Variants in MED13 observed in about 807,000 individuals in gnomAD.
The protein encoded by MED13 is mediator complex subunit 13.
Under a neutral mutation model 225.2 loss-of-function variants are expected in MED13, and 23 were observed. The ratio of observed to expected loss-of-function variants is 0.10; its 90% CI spans 0.07 to 0.14. MED13 has a LOEUF of 0.14. Among genes scored for constraint, MED13 ranks in the 10% least tolerant of loss-of-function variants. MED13 has a pLI of 1.00. For missense variants in MED13, 2,197 were observed against 2,594.5 expected, an observed-to-expected ratio of 0.85 and a Z score of 3.33; for synonymous variants, 942 against 889.2, an observed-to-expected ratio of 1.06 and a Z score of -1.06.
At chr17:61,950,680 T>C in intron 28 of MED13, 145 bp downstream of exon 28, 1 of 748,904 alleles carries the variant, frequency 1.3e-6, no homozygotes, top group Non-Finnish European at 2.0e-6. Flanking sequence ...CACCGTGCCT[T>C]CGTGATCTTG....
At chr17:61,999,173 T>C (rs1236965490) in intron 9 of MED13, among the ~76,000 whole-genome samples, 1 of 152,192 alleles carries the variant, frequency 6.6e-6, no homozygotes, top group Non-Finnish European at 1.5e-5. Flanking sequence ...TACAACTATA[T>C]ACATACAAAT....
At chr17:61,992,440 G>A (rs888488721) in intron 11 of MED13, 100 bp downstream of exon 11, 8 of 676,674 alleles carry the variant, frequency 1.2e-5, no homozygotes, top group East Asian at 2.8e-5. Context: ...GAAACATAAT[G>A]AATTATACAA....
At chr17:62,031,354 G>C (rs1255707188) in intron 6 of MED13, 90 bp downstream of exon 6, 11 of 1,153,944 alleles carry the variant, frequency 9.5e-6, no homozygotes, top group Non-Finnish European at 1.3e-5. Flanking sequence ...CAAGAAGTTT[G>C]AAACTATTTC....
chr17:61,974,988 T>TA (rs1295358594), intron 16 of MED13, among the ~76,000 whole-genome samples: 4 of 152,166 alleles, frequency 2.6e-5, no homozygotes, highest in South Asian at 2.1e-4. Flanking sequence ...TTTCACATCC[T>TA]ATGGAGATAT....
rs61326861 is a variant in MED13, at chr17:61,955,855, TAAAAAAAAAA to T, written c.5624-27_5624-18del. ...AGCTCCAATCTGTGGGTATCAACAG[TAAAAAAAAAA>T]AAAAAAAAAAAAAAAATCAAAGTAA... is the stretch of plus-strand genomic sequence containing the variant. On this transcript the variant is annotated intron_variant, in intron 24 of 29. Transcript: ENST00000397786. The T allele has an allele frequency of 6.1e-6, 5 of 814,352 alleles. No individual in the cohort carries two copies. The highest frequency in any genetic ancestry group is 1.4e-4 in the Admixed American group (1 of 7,000). The allele number at this position is 814,352 out of a possible 1,614,324, so 50.4% of individuals were successfully genotyped here.
chr17:61,992,872 A>AT (rs11375630), intron 10 of MED13, among the ~76,000 whole-genome samples: 152,300 of 152,300 alleles, frequency 1, 76,150 homozygotes, highest in Non-Finnish European at 1. Context: ...AGGTCAAGTG[A>AT]TCTCCTGCCT....
rs771436648 is a variant in MED13 at position 61,952,971 on chromosome 17, C to T, written c.6111G>A (p.Ala2037=). The T allele has an allele frequency of 4.3e-6, 7 of 1,612,422 alleles. No individual in the cohort carries two copies. In the Admixed American group the frequency reaches 5.0e-5, roughly 12 times the overall value. The change falls in exon 27 of 30, where the codon GCG becomes GCA. Residue 2037 remains alanine (A), a synonymous_variant. Coordinates refer to ENST00000397786, the MANE Select transcript of MED13 (RefSeq NM_005121.3). ...PGSHYPHGGD[A]GKGQSTDRLL... ...AAACTTGTAACACAGTTACCTTGCC[C>T]GCATCACCTCCATGGGGGTAATGAG...
At chr17:62,032,789 G>A (rs941277563) in intron 5 of MED13, among the ~76,000 whole-genome samples, 2 of 152,186 alleles carry the variant, frequency 1.3e-5, no homozygotes, top group African/African-American at 2.4e-5. Flanking sequence ...TGTCCCAGAT[G>A]TGGGTACTTT....
chr17:61,985,227 A>AT, intron 12 of MED13, 137 bp from the exon 13 acceptor site: 6 of 621,478 alleles, frequency 9.7e-6, no homozygotes, highest in Non-Finnish European at 1.7e-5. Flanking sequence ...AGCCAAATAC[A>AT]TACTAGTGTT....
At chr17:61,988,713 C>G (rs1180581767) in intron 11 of MED13, among the ~76,000 whole-genome samples, 1 of 151,588 alleles carries the variant, frequency 6.6e-6, no homozygotes, top group Non-Finnish European at 1.5e-5. Context: ...CCAAACAACC[C>G]AATTTGTTTC....
At chr17:62,062,598 CACCACACACACACACACACA>C (rs1353320000) in intron 2 of MED13, among the ~76,000 whole-genome samples, 1 of 103,416 alleles carries the variant, frequency 9.7e-6, no homozygotes, top group African/African-American at 3.6e-5. Context: ...CACACACACA[CACCACACACACACACACACA>C]CACACACACG....
At chr17:61,947,169 C>A in intron 28 of MED13, 152 bp from the exon 29 acceptor site, 2 of 424,200 alleles carry the variant, frequency 4.7e-6, no homozygotes, top group Non-Finnish European at 8.4e-6. Context: ...TGCTTGTTCT[C>A]TTTTAACTAA....
chr17:61,954,039 G>C (rs1259849544), intron 26 of MED13, among the ~76,000 whole-genome samples: 1 of 152,220 alleles, frequency 6.6e-6, no homozygotes, highest in Non-Finnish European at 1.5e-5. Flanking sequence ...AAAGGTATGT[G>C]AATGTGGTCT....
At chr17:61,980,912 T>G (rs1302927344) in intron 16 of MED13, among the ~76,000 whole-genome samples, 1 of 151,944 alleles carries the variant, frequency 6.6e-6, no homozygotes, top group Non-Finnish European at 1.5e-5. Context: ...TGGCTAATTT[T>G]TGTATTTTTC....
intron 3 of MED13, among the ~76,000 whole-genome samples, chr17:62,043,156 C>CAAA (rs764530614): frequency 0.031 from 987 of 31,670 alleles, 13 homozygotes; most frequent in East Asian, 0.045. Context: ...ACCCTGTCTC[C>CAAA]AAAAAAAAAA....
chr17:62,055,420 G>GT (rs1463383454), intron 2 of MED13, among the ~76,000 whole-genome samples: 1 of 151,708 alleles, frequency 6.6e-6, no homozygotes, highest in Non-Finnish European at 1.5e-5. Context: ...CTTTGCAATA[G>GT]TAAAAGCTAA....
chr17:62,009,122 G>C (rs1229258938), intron 9 of MED13, among the ~76,000 whole-genome samples: 1 of 152,092 alleles, frequency 6.6e-6, no homozygotes, highest in East Asian at 1.9e-4. Flanking sequence ...CTAATAAATA[G>C]GTAGACAGTT....
Position 62,033,808 on chromosome 17 carries a change from C to T in MED13, c.793G>A (p.Ala265Thr), listed in dbSNP as rs1440917847. 2.5e-6 allele frequency: 4 copies of T among 1,613,986 alleles called. No individual in the cohort carries two copies. The Admixed American group carries it at 6.7e-5, about 27-fold the overall frequency. The change falls in exon 5 of 30, where the codon GCT becomes ACT. Residue 265 changes from alanine to threonine, a missense_variant. Transcript: ENST00000397786. ...EDMDWEDDSLAAVEVLVAGVR... is the reference protein window; with the variant it reads ...EDMDWEDDSLTAVEVLVAGVR... The stretch of plus-strand genomic sequence containing the variant: ...ATACCAACAAGAACTTCTACTGCAG[C>T]TAAAGAATCATCTTCCCAATCCATA...
At chr17:62,030,323 C>T (rs369822896) in intron 6 of MED13, 53 of 235,484 alleles carry the variant, frequency 2.3e-4, no homozygotes, top group African/African-American at 1.1e-3. Flanking sequence ...TCCCATGGAT[C>T]ATGCTGTATA....
Sources: gnomAD v4.1 joint callset for allele counts (sites outside exome capture counted in the v4.1 genomes callset) on GRCh38, gnomAD v4.1.1 for gene constraint, MANE v1.5 for transcripts, NCBI Gene and HGNC (gene_info 2026-07-23, HGNC 2026-07-21) for gene names.